Variants in UGT2B17 observed in about 807,000 individuals in gnomAD.
UGT2B17 encodes the protein UDP-glucuronosyltransferase 2B17.
Under a neutral mutation model 48.2 loss-of-function variants are expected in UGT2B17, and 21 were observed. The ratio of observed to expected loss-of-function variants is 0.44; its 90% CI spans 0.31 to 0.63. UGT2B17 has a LOEUF of 0.63. Among genes scored for constraint, UGT2B17 ranks in the 20% least tolerant of loss-of-function variants. UGT2B17 has a pLI of 0.08. For missense variants in UGT2B17, 402 were observed against 696.1 expected (o/e 0.58, Z 4.75); for synonymous variants, 146 against 238.4 (o/e 0.61, Z 3.57).
chr4:68,553,867 A>G (rs7434525), intron 4 of UGT2B17, among the ~76,000 whole-genome samples: 115,647 of 116,774 alleles, frequency 0.99, 57,495 homozygotes, highest in Middle Eastern at 1. Flanking sequence ...AGGAAAATGA[A>G]AGACTGAGTT....
rs78789098 is a variant in UGT2B17 at position 68,544,431 on chromosome 4, G to A, written c.1313+6246C>T. ...TCACCACCAGGCCTGCCCTAAAAGA[G>A]CTCCTGAAGGAAGCACTAAACATGG... is the stretch of plus-strand genomic sequence containing the variant. On this transcript the variant is annotated intron_variant, in intron 6 of 6. Transcript: ENST00000317746. 2.2e-4 allele frequency among the ~76,000 whole-genome samples: 28 copies of A among 125,558 alleles called. 1 individual carries two copies. The highest frequency in any genetic ancestry group is 7.6e-4 in the African/African-American group (28 of 36,706). The allele number at this position is 125,558 out of a possible 152,430, so 82.4% of individuals were successfully genotyped here. A position where few individuals can be genotyped will look rare whatever the true frequency, so the allele number is the denominator to read the frequency against.
Position 68,548,425 on chromosome 4 carries a change from G to C in UGT2B17, c.1313+2252C>G, listed in dbSNP as rs181258237. 1.6e-5 allele frequency among the ~76,000 whole-genome samples: 2 copies of C among 124,466 alleles called. 1 individual carries two copies. The highest frequency in any genetic ancestry group is 1.7e-4 in the Admixed American group (2 of 11,976). 81.7% of individuals were successfully genotyped at this position (124,466 alleles called of 152,430 possible). On this transcript the variant is annotated intron_variant, in intron 6 of 6. Transcript: ENST00000317746. ...GAATATCACACACCGGGGCCTGCTT[G>C]GGGGTAGCGGGAGTGGGGAGGGATA...
intron 3 of UGT2B17, among the ~76,000 whole-genome samples, chr4:68,563,126 A>C (rs1477297530): frequency 1.6e-5 from 2 of 127,328 alleles, no homozygotes; most frequent in Non-Finnish European, 3.3e-5. Context: ...AACTATATGC[A>C]GTTTTCAAAC....
At chr4:68,565,992 A>T (rs1301453570) in intron 2 of UGT2B17, among the ~76,000 whole-genome samples, 2 of 118,754 alleles carry the variant, frequency 1.7e-5, no homozygotes, top group African/African-American at 5.6e-5. Context: ...TTAATTTAAT[A>T]GTATTTAATT....
chr4:68,564,774 C>T (rs1393852516), intron 3 of UGT2B17, among the ~76,000 whole-genome samples: 1 of 125,684 alleles, frequency 8.0e-6, no homozygotes, highest in Admixed American at 8.2e-5. Context: ...GGTCTCAGCT[C>T]ACTGCAGCCT....
At position 68,537,504 on chromosome 4, in the gene UGT2B17, G is replaced by T; in HGVS notation, c.*121C>A. On this transcript the variant is annotated 3_prime_UTR_variant, in exon 7 of 7. Transcript: ENST00000317746. ...TGGAAAATAAATTTTGACTTAACAG[G>T]GTAAGTTGTGAAAAGACGTTTTGTC... 1.1e-5 allele frequency: 10 copies of T among 883,198 alleles called. No homozygotes were observed. The highest frequency in any genetic ancestry group is 1.5e-5 in the Non-Finnish European group (10 of 669,940). 54.7% of individuals were successfully genotyped at this position (883,198 alleles called of 1,614,324 possible). A position where few individuals can be genotyped will look rare whatever the true frequency, so the allele number is the denominator to read the frequency against.
rs1560584024 is a variant in UGT2B17, at chr4:68,575,466, G to A, written c.-65+485C>T. ...AGTTCTAAGTTTTCCTGGAGTCATA[G>A]TGACTCCATAGTCTCTATTAAATCC... is the stretch of plus-strand genomic sequence containing the variant. On this transcript the variant is annotated intron_variant, in intron 1 of 6. Transcript: ENST00000317746. Among the ~76,000 whole-genome samples, 2 of 125,082 alleles carry A rather than the reference G, an allele frequency of 1.6e-5. 1 individual carries two copies. Among genetic ancestry groups the A allele is most frequent in the South Asian group, 7.3e-4 (2 of 2,746 alleles). 82.1% of individuals were successfully genotyped at this position (125,082 alleles called of 152,430 possible).
intron 4 of UGT2B17, among the ~76,000 whole-genome samples, chr4:68,560,086 C>T (rs1433784226): frequency 7.8e-6 from 1 of 128,500 alleles, no homozygotes; most frequent in Non-Finnish European, 1.7e-5. Context: ...TAAGACGAAG[C>T]TGCATGATGC....
intron 4 of UGT2B17, among the ~76,000 whole-genome samples, chr4:68,557,825 G>A (rs1375741927): frequency 8.0e-6 from 1 of 124,948 alleles, no homozygotes; most frequent in Admixed American, 8.2e-5. Context: ...AACTTATGGA[G>A]CCAATAAAAC....
Position 68,561,291 on chromosome 4 carries a change from A to AC in UGT2B17, c.874-624dup, listed in dbSNP as rs1017264814. Among the ~76,000 whole-genome samples the AC allele has an allele frequency of 3.2e-4, 25 of 78,620 alleles. 3 individuals carry two copies. Among genetic ancestry groups the AC allele is most frequent in the African/African-American group, 1.1e-3 (24 of 22,116 alleles). The allele number at this position is 78,620 out of a possible 152,430, so 51.6% of individuals were successfully genotyped here. ...ACCCCTCACTTCCCCCGACACCCCCACCCCCAAAAAACACCTTAAAAGCTG... is the reference window on the plus strand; with the variant it reads ...ACCCCTCACTTCCCCCGACACCCCCACCCCCCAAAAAACACCTTAAAAGCTG... On this transcript the variant is annotated intron_variant, in intron 3 of 6. Coordinates refer to ENST00000317746, the MANE Select transcript of UGT2B17 (RefSeq NM_001077.4).
At position 68,565,503 on chromosome 4, in the gene UGT2B17, T is replaced by A. The variant is rs1731181168; in HGVS notation, c.873+69A>T. The A allele has an allele frequency of 1.6e-6, 2 of 1,215,122 alleles. 1 individual carries two copies. Among genetic ancestry groups the A allele is most frequent in the East Asian group, 2.0e-4 (2 of 9,986 alleles). The allele number at this position is 1,215,122 out of a possible 1,614,324, so 75.3% of individuals were successfully genotyped here. A position where few individuals can be genotyped will look rare whatever the true frequency, so the allele number is the denominator to read the frequency against. On this transcript the variant is annotated intron_variant, in intron 3 of 6. Coordinates refer to ENST00000317746, the MANE Select transcript of UGT2B17 (RefSeq NM_001077.4). ...TCCCCTCACTCTGAGTTAAACACTC[T>A]GAAAGAAACATATCCAGCCATTCCT...
chr4:68,562,027 AT>A lies in UGT2B17; in HGVS notation c.874-1360del, dbSNP rs1310327241. 3.2e-5 allele frequency among the ~76,000 whole-genome samples: 4 copies of A among 125,954 alleles called. 1 individual carries two copies. The highest frequency in any genetic ancestry group is 6.7e-5 in the Non-Finnish European group (4 of 59,614). 82.6% of individuals were successfully genotyped at this position (125,954 alleles called of 152,430 possible). ...AAACTGTTTACGAATAAAAAAGGAA[AT>A]TCTAAAATATGTCAATTCAGACCAT... On this transcript the variant is annotated intron_variant, in intron 3 of 6. Coordinates refer to ENST00000317746, the MANE Select transcript of UGT2B17 (RefSeq NM_001077.4).
At chr4:68,553,949 G>A (rs1730959224) in intron 4 of UGT2B17, among the ~76,000 whole-genome samples, 3 of 124,442 alleles carry the variant, frequency 2.4e-5, no homozygotes, top group African/African-American at 8.2e-5. Flanking sequence ...TGGGGGCCTT[G>A]TGGGAGTGTC....
chr4:68,570,374 C>T (rs1373624672), intron 1 of UGT2B17, among the ~76,000 whole-genome samples: 3 of 126,838 alleles, frequency 2.4e-5, no homozygotes, highest in South Asian at 3.6e-4. Flanking sequence ...TGAATAACAT[C>T]GGTTTCTAAG....
At chr4:68,549,754 A>C (rs1730882529) in intron 6 of UGT2B17, among the ~76,000 whole-genome samples, 1 of 126,236 alleles carries the variant, frequency 7.9e-6, no homozygotes, top group Non-Finnish European at 1.7e-5. Flanking sequence ...TTCTTCATAA[A>C]CAACAATTTC....
In UGT2B17 at chr4:68,538,434, T is replaced by A. The variant is rs1274159409; in HGVS notation, c.1314-530A>T. On this transcript the variant is annotated intron_variant, in intron 6 of 6. Transcript: ENST00000317746. ...ATTTTTTACATTTTTAGATATGAGG[T>A]CTTGCTGTAGTGCCCATACTCATCT... Among the ~76,000 whole-genome samples, 4 of 124,000 alleles carry A rather than the reference T, an allele frequency of 3.2e-5. 1 individual carries two copies. Among genetic ancestry groups the A allele is most frequent in the South Asian group, 3.9e-4 (1 of 2,564 alleles). The allele number at this position is 124,000 out of a possible 152,430, so 81.3% of individuals were successfully genotyped here. A position where few individuals can be genotyped will look rare whatever the true frequency, so the allele number is the denominator to read the frequency against.
Position 68,568,186 on chromosome 4 carries a change from C to G in UGT2B17, c.299G>C (p.Ser100Thr). 2.2e-6 allele frequency: 3 copies of G among 1,377,932 alleles called. No individual in the cohort carries two copies. Among genetic ancestry groups the G allele is most frequent in the Non-Finnish European group, 2.8e-6 (3 of 1,053,228 alleles). The allele number at this position is 1,377,932 out of a possible 1,614,324, so 85.4% of individuals were successfully genotyped here. Residue 100 changes from serine (S) to threonine (T), a missense_variant, in exon 2 of 7, where the codon AGT becomes ACT. By Grantham distance (58) the Ser-to-Thr change is moderately conservative. Coordinates refer to ENST00000317746, the MANE Select transcript of UGT2B17 (RefSeq NM_001077.4). ...FMKMFDRWTYSISKNTFWSYF... is the reference protein window; with the variant it reads ...FMKMFDRWTYTISKNTFWSYF... ...TGACCAAAATGTATTTTTTGAAATACTATATGTCCATCTATCGAACATTTT... is the reference window on the plus strand; with the variant it reads ...TGACCAAAATGTATTTTTTGAAATAGTATATGTCCATCTATCGAACATTTT...
At chr4:68,571,414 C>T (rs541077367) in intron 1 of UGT2B17, among the ~76,000 whole-genome samples, 1 of 124,702 alleles carries the variant, frequency 8.0e-6, no homozygotes, top group African/African-American at 2.7e-5. Flanking sequence ...CCGTCCAGTC[C>T]CAGTGGAATT....
Position 68,565,573 on chromosome 4 carries a change from T to C in UGT2B17, c.872A>G (p.Lys291Arg). The change falls in exon 3 of 7, where the codon AAG (lysine) becomes AGG (arginine). Residue 291 changes from lysine to arginine, a missense_variant and splice_region_variant. Coordinates refer to ENST00000317746, the MANE Select transcript of UGT2B17 (RefSeq NM_001077.4). ...CAAATGAAACAAGAATATGTTCACC[T>C]TAGGCAAGGGTTTGGCTGGTTTACA... ...LHCKPAKPLP[K>R]EMEEFVQSSG... 1.5e-6 allele frequency: 2 copies of C among 1,368,186 alleles called. 1 individual carries two copies. Among genetic ancestry groups the C allele is most frequent in the Non-Finnish European group, 1.9e-6 (2 of 1,049,492 alleles). 84.8% of individuals were successfully genotyped at this position (1,368,186 alleles called of 1,614,324 possible).
Sources: gnomAD v4.1 joint callset for allele counts (sites outside exome capture counted in the v4.1 genomes callset) on GRCh38, gnomAD v4.1.1 for gene constraint, MANE v1.5 for transcripts, NCBI Gene and HGNC (gene_info 2026-07-23, HGNC 2026-07-21) for gene names.